PREX1: variants seen among roughly 807,000 people sequenced by gnomAD.
PREX1 encodes the protein phosphatidylinositol-3,4,5-trisphosphate dependent Rac exchange factor 1.
Under a neutral mutation model 198.3 loss-of-function variants are expected in PREX1, and 41 were observed. The observed-to-expected ratio is 0.21, with a 90% CI of 0.16 to 0.27. The LOEUF (loss-of-function observed/expected upper bound fraction) is 0.27, where lower values mean the gene tolerates loss of function less well. Ranked by LOEUF, PREX1 falls within the 10% of genes least tolerant of loss-of-function variation. The pLI is 1.00. For synonymous variants in PREX1, 843 were observed against 887.2 expected, an observed-to-expected ratio of 0.95 and a Z score of 0.89; for missense variants, 1,620 against 2,200.7, an observed-to-expected ratio of 0.74 and a Z score of 5.28.
intron 22 of PREX1, 22 bp downstream of exon 22, chr20:48,651,374 G>T: frequency 6.3e-7 from 1 of 1,582,068 alleles, no homozygotes; most frequent in East Asian, 2.3e-5. Context: ...GTAGGGCAGG[G>T]CCAGGCAGTG....
chr20:48,834,852 A>G, the PREX1 span, among the ~76,000 whole-genome samples: 2 of 151,456 alleles, frequency 1.3e-5, no homozygotes, highest in African/African-American at 4.9e-5. Context: ...GAGGCACCAC[A>G]CCCATTTTTT....
At chr20:48,761,706 C>T (rs1293559548) in intron 1 of PREX1, among the ~76,000 whole-genome samples, 1 of 152,196 alleles carries the variant, frequency 6.6e-6, no homozygotes, top group African/African-American at 2.4e-5. Context: ...ACAAACTTTC[C>T]TGAGTTCACC....
chr20:48,729,519 T>C (rs2090025238), intron 4 of PREX1, among the ~76,000 whole-genome samples: 1 of 151,986 alleles, frequency 6.6e-6, no homozygotes, highest in Non-Finnish European at 1.5e-5. Flanking sequence ...GCCTCACACA[T>C]CCAAAAGGGA....
At chr20:48,825,438 T>C (rs763888914) in intron 1 of PREX1, among the ~76,000 whole-genome samples, 93 of 152,032 alleles carry the variant, frequency 6.1e-4, no homozygotes, top group Non-Finnish European at 9.9e-4. Context: ...AAAAGAAAAA[T>C]GTGATGAAGT....
In PREX1 at chr20:48,629,960, C is replaced by G. The variant is rs192368362; in HGVS notation, c.4594-339G>C. ...CAGCCTGTCAAGACCAACACAAGCG[C>G]CCCCTCTCCAGAAAAAGCCTTCCCT... On this transcript the variant is annotated intron_variant, in intron 36 of 39. Transcript: ENST00000371941. 2.6e-5 allele frequency among the ~76,000 whole-genome samples: 4 copies of G among 152,248 alleles called. No homozygotes were observed. The East Asian group carries it at 7.7e-4, about 29-fold the overall frequency.
chr20:48,760,360 C>T (rs2090173837), intron 1 of PREX1, among the ~76,000 whole-genome samples: 1 of 152,006 alleles, frequency 6.6e-6, no homozygotes, highest in African/African-American at 2.4e-5. Flanking sequence ...AGACTGCCTG[C>T]TTCCGAGTCT....
At position 48,674,060 on chromosome 20, in the gene PREX1, G is replaced by A. The variant is rs369836268; in HGVS notation, c.1665+2133C>T. The stretch of plus-strand genomic sequence containing the variant: ...CTGGCTATAAAAGCATGAGTTCTGG[G>A]CTGACTGCATGTGATTCTCACGAGG... On this transcript the variant is annotated intron_variant, in intron 14 of 39. Coordinates refer to ENST00000371941, the MANE Select transcript of PREX1 (RefSeq NM_020820.4). Among the ~76,000 whole-genome samples, 16 of 152,330 alleles carry A rather than the reference G, an allele frequency of 1.1e-4. No homozygotes were observed. The East Asian group carries it at 3.1e-3, about 29-fold the overall frequency.
intron 1 of PREX1, among the ~76,000 whole-genome samples, chr20:48,826,445 G>GTT (rs2090509182): frequency 6.6e-6 from 1 of 152,070 alleles, no homozygotes; most frequent in Admixed American, 6.6e-5. Flanking sequence ...GCATAGAATA[G>GTT]GGGTTTAGAA....
chr20:48,714,959 G>A (rs893700921), intron 5 of PREX1, among the ~76,000 whole-genome samples: 7 of 152,308 alleles, frequency 4.6e-5, no homozygotes, highest in African/African-American at 1.7e-4. Flanking sequence ...GAGCTTGAGC[G>A]ATACTAACAA....
chr20:48,702,884 T>C (rs1304290482), intron 6 of PREX1, among the ~76,000 whole-genome samples: 1 of 152,224 alleles, frequency 6.6e-6, no homozygotes. Flanking sequence ...CCAAGGAATA[T>C]TATGCAAAAG....
intron 4 of PREX1, among the ~76,000 whole-genome samples, chr20:48,730,289 A>T (rs917688491): frequency 2.6e-5 from 4 of 151,292 alleles, no homozygotes. Flanking sequence ...TCTGCTCAAA[A>T]CCCTCCCACG....
intron 3 of PREX1, among the ~76,000 whole-genome samples, chr20:48,741,351 T>A (rs1033689794): frequency 2.7e-4 from 41 of 152,218 alleles, no homozygotes; most frequent in African/African-American, 9.4e-4. Context: ...TTTTTTATTT[T>A]ATTTTTTGTT....
chr20:48,685,167 T>A (rs1197924476), intron 10 of PREX1, among the ~76,000 whole-genome samples: 1 of 152,226 alleles, frequency 6.6e-6, no homozygotes, highest in Non-Finnish European at 1.5e-5. Flanking sequence ...ATCTGTCCTA[T>A]TCCCGACTGG....
Position 48,646,036 on chromosome 20 carries a change from C to T in PREX1, c.3327G>A (p.Glu1109=), listed in dbSNP as rs1436833255. ...CGTCGCAGGACCCACCCGAGGTGGG[C>T]TCTGTGATGGTGGACAGCAGCCTAC... ...QINRLLSTIT[E]PTSGGSCDAS... Residue 1109 remains glutamate, a synonymous_variant, in exon 26 of 40, where the codon GAG becomes GAA. Coordinates refer to ENST00000371941, the MANE Select transcript of PREX1 (RefSeq NM_020820.4). 6.2e-7 allele frequency: 1 copy of T among 1,613,844 alleles called. No individual in the cohort carries two copies. The highest frequency in any genetic ancestry group is 1.3e-5 in the African/African-American group (1 of 74,924).
rs2089639709 is a variant in PREX1 at position 48,666,257 on chromosome 20, G to C, written c.1738+26C>G. On this transcript the variant is annotated intron_variant, in intron 15 of 39. Coordinates refer to ENST00000371941, the MANE Select transcript of PREX1 (RefSeq NM_020820.4). This position sits in a 1 kb window ranked among gnomAD's most constrained non-coding sequence, Gnocchi z 4.3. Reference sequence around the variant, plus strand: ...AGCTCCAGGGAGCAAGGTCCCGGGGGCTGGGCTGCAGGTGGGGGTGGTTAC... The same window carrying C: ...AGCTCCAGGGAGCAAGGTCCCGGGGCCTGGGCTGCAGGTGGGGGTGGTTAC... 1 of 1,544,482 alleles carries C rather than the reference G, an allele frequency of 6.5e-7. No homozygotes were observed. Among genetic ancestry groups the C allele is most frequent in the Non-Finnish European group, 8.8e-7 (1 of 1,142,392 alleles).
intron 6 of PREX1, among the ~76,000 whole-genome samples, chr20:48,706,477 G>A (rs772197294): frequency 6.6e-6 from 1 of 152,200 alleles, no homozygotes; most frequent in Non-Finnish European, 1.5e-5. Context: ...AAGTGGCCAT[G>A]TGACCCATTT....
chr20:48,679,285 G>A lies in PREX1; in HGVS notation c.1589+75C>T, dbSNP rs534695966. 111 of 1,347,646 alleles carry A rather than the reference G, an allele frequency of 8.2e-5. No individual in the cohort carries two copies. The South Asian group carries it at 1.2e-3, about 15-fold the overall frequency. 83.5% of individuals were successfully genotyped at this position (1,347,646 alleles called of 1,614,324 possible). On this transcript the variant is annotated intron_variant, in intron 13 of 39. Transcript: ENST00000371941. The stretch of plus-strand genomic sequence containing the variant: ...GAGAAGGAGACTGGAGCTCAGAGAG[G>A]TTAAGTTGCCAGCCCAAGGCCACAC...
At chr20:48,744,399 C>T (rs2090098210) in intron 3 of PREX1, among the ~76,000 whole-genome samples, 1 of 152,186 alleles carries the variant, frequency 6.6e-6, no homozygotes, top group Non-Finnish European at 1.5e-5. Context: ...AGGAGTTTGG[C>T]TCACATCTCG....
chr20:48,667,211 A>G (rs2089646410), intron 14 of PREX1, among the ~76,000 whole-genome samples: 1 of 152,190 alleles, frequency 6.6e-6, no homozygotes, highest in Non-Finnish European at 1.5e-5. Context: ...GTGGTCCCCA[A>G]AGATATCAGG....
Sources: gnomAD v4.1 joint callset for allele counts (sites outside exome capture counted in the v4.1 genomes callset) on GRCh38, gnomAD v4.1.1 for gene constraint, Gnocchi (gnomAD v3.1) non-coding constraint, MANE v1.5 for transcripts, NCBI Gene and HGNC (gene_info 2026-07-23, HGNC 2026-07-21) for gene names.